Variants in OR10G4 observed in about 807,000 individuals in gnomAD.
OR10G4 encodes olfactory receptor 10G4.
For missense variants in OR10G4, 318 were observed against 388.8 expected, an observed-to-expected ratio of 0.82 and a Z score of 1.53; for synonymous variants, 130 against 159.3, an observed-to-expected ratio of 0.82 and a Z score of 1.39.
chr11:124,015,445 A>T, intron 1 of OR10G4, 103 bp from the exon 2 acceptor site: 1 of 1,121,050 alleles, frequency 8.9e-7, no homozygotes, highest in Non-Finnish European at 1.3e-6. Flanking sequence ...GAAGTGCAGG[A>T]TAACTCCAGA....
At chr11:124,013,789 T>C (rs534267564) in intron 1 of OR10G4, among the ~76,000 whole-genome samples, 1 of 152,326 alleles carries the variant, frequency 6.6e-6, no homozygotes, top group African/African-American at 2.4e-5. Context: ...CACGCCAATA[T>C]ATATCCTTCC....
Position 124,016,281 on chromosome 11 carries a change from C to T in OR10G4, c.707C>T (p.Ala236Val). ...CGCACCTCAGATGGGAGGCGCAGAG[C>T]CTTTCAGACCTGTGCCTCCCACTGT... ...RIRTSDGRRR[A>V]FQTCASHCIV... The change falls in exon 2 of 2, where the codon GCC becomes GTC. Residue 236 changes from alanine to valine, a missense_variant. By Grantham distance (64) the Ala-to-Val change is moderately conservative (BLOSUM62 0). Transcript: ENST00000641722. The T allele has an allele frequency of 6.2e-7, 1 of 1,614,174 alleles. No homozygotes were observed. The highest frequency in any genetic ancestry group is 8.5e-7 in the Non-Finnish European group (1 of 1,180,020).
Position 124,016,314 on chromosome 11 carries a change from T to A in OR10G4, c.740T>A (p.Val247Asp), listed in dbSNP as rs1864019634. Residue 247 changes from valine to aspartate, a missense_variant, in exon 2 of 2, where the codon GTC (valine) becomes GAC (aspartate). By Grantham distance (152) the Val-to-Asp change is radical. Coordinates refer to ENST00000641722, the MANE Select transcript of OR10G4 (RefSeq NM_001004462.2). The part of the protein sequence containing the change: ...FQTCASHCIV[V>D]LCFFVPCVVI... ...ACCTGTGCCTCCCACTGTATTGTGG[T>A]CCTTTGCTTCTTTGTTCCCTGTGTT... 6.2e-7 allele frequency: 1 copy of A among 1,614,048 alleles called. No homozygotes were observed. Among genetic ancestry groups the A allele is most frequent in the African/African-American group, 1.3e-5 (1 of 74,922 alleles).
chr11:124,018,256 G>T lies in OR10G4; in HGVS notation c.*1746G>T, dbSNP rs562785909. 1 of 152,200 alleles carries T rather than the reference G, an allele frequency of 6.6e-6. No homozygotes were observed. The highest frequency in any genetic ancestry group is 2.1e-4 in the South Asian group (1 of 4,810). 9.4% of individuals were successfully genotyped at this position (152,200 alleles called of 1,614,324 possible). A position where few individuals can be genotyped will look rare whatever the true frequency, so the allele number is the denominator to read the frequency against. ...TGGCATACATGTGCACAACGTGCAGGTTTGTTATGTAGCAATACATGTGCC... is the reference window on the plus strand; with the variant it reads ...TGGCATACATGTGCACAACGTGCAGTTTTGTTATGTAGCAATACATGTGCC... On this transcript the variant is annotated 3_prime_UTR_variant, in exon 2 of 2. Coordinates refer to ENST00000641722, the MANE Select transcript of OR10G4 (RefSeq NM_001004462.2).
chr11:124,014,091 G>A (rs762254013), intron 1 of OR10G4, among the ~76,000 whole-genome samples: 6 of 152,134 alleles, frequency 3.9e-5, no homozygotes, highest in Non-Finnish European at 5.9e-5. Flanking sequence ...CCTAGTGTAA[G>A]AGAAACAGGG....
rs1436161822 is a variant in OR10G4, at chr11:124,015,596, A to G, written c.22A>G (p.Thr8Ala). 1 of 1,604,080 alleles carries G rather than the reference A, an allele frequency of 6.2e-7. No homozygotes were observed. The highest frequency in any genetic ancestry group is 8.5e-7 in the Non-Finnish European group (1 of 1,174,512). The change falls in exon 2 of 2, where the codon ACA becomes GCA. Residue 8 changes from threonine to alanine, a missense_variant. Transcript: ENST00000641722. MSNASLVTAFILTGLPHA... is the reference protein window; with the variant it reads MSNASLVAAFILTGLPHA... ...AGAAATGTCCAACGCCAGCCTCGTGACAGCATTCATCCTCACAGGCCTTCC... is the reference window on the plus strand; with the variant it reads ...AGAAATGTCCAACGCCAGCCTCGTGGCAGCATTCATCCTCACAGGCCTTCC...
Position 124,015,946 on chromosome 11 carries a change from C to T in OR10G4, c.372C>T (p.Ala124=), listed in dbSNP as rs1284716326. Residue 124 remains alanine (A), a synonymous_variant, in exon 2 of 2, where the codon GCC becomes GCT. Coordinates refer to ENST00000641722, the MANE Select transcript of OR10G4 (RefSeq NM_001004462.2). ...YTVMSYDRYL[A]ISYPLRYTSM... ...TCATGTCCTATGATCGCTACTTGGC[C>T]ATCAGTTACCCGCTCAGGTACACCA... is the stretch of plus-strand genomic sequence containing the variant. The T allele has an allele frequency of 6.2e-7, 1 of 1,613,790 alleles. No homozygotes were observed. Among genetic ancestry groups the T allele is most frequent in the African/African-American group, 1.3e-5 (1 of 74,840 alleles).
Position 124,018,533 on chromosome 11 carries a change from A to G in OR10G4, c.*2023A>G, listed in dbSNP as rs77404312. On this transcript the variant is annotated 3_prime_UTR_variant, in exon 2 of 2. Coordinates refer to ENST00000641722, the MANE Select transcript of OR10G4 (RefSeq NM_001004462.2). ...ATGTCCCTACAAAGAACATGAACTC[A>G]TCCTTTCTTATGGCTGCATAGTATT... 6.6e-6 allele frequency: 1 copy of G among 152,172 alleles called. No homozygotes were observed. The highest frequency in any genetic ancestry group is 6.5e-5 in the Admixed American group (1 of 15,288). The allele number at this position is 152,172 out of a possible 1,614,324, so 9.4% of individuals were successfully genotyped here. A position where few individuals can be genotyped will look rare whatever the true frequency, so the allele number is the denominator to read the frequency against.
rs551254667 is a variant in OR10G4, at chr11:124,015,854, C to T, written c.280C>T (p.His94Tyr). The T allele has an allele frequency of 2.5e-5, 40 of 1,611,820 alleles. No individual in the cohort carries two copies. In the East Asian group the frequency reaches 8.5e-4, roughly 34 times the overall value. The change falls in exon 2 of 2, where the codon CAC becomes TAC. Residue 94 changes from histidine to tyrosine, a missense_variant. Physicochemically the swap from His to Tyr is moderately conservative, Grantham distance 83 (BLOSUM62 2). Transcript: ENST00000641722. The stretch of plus-strand genomic sequence containing the variant: ...CCCAAGCGGCAGGGCTATCTCCTTC[C>T]ACAGCTGCGTGGCTCAGCTCTATTT... The part of the protein sequence containing the change: ...VSPSGRAISF[H>Y]SCVAQLYFFH...
chr11:124,017,208 T>G lies in OR10G4; in HGVS notation c.*698T>G, dbSNP rs1292906927. The G allele has an allele frequency of 6.6e-6, 1 of 152,228 alleles. No homozygotes were observed. Among genetic ancestry groups the G allele is most frequent in the Non-Finnish European group, 1.5e-5 (1 of 68,042 alleles). 9.4% of individuals were successfully genotyped at this position (152,228 alleles called of 1,614,324 possible). On this transcript the variant is annotated 3_prime_UTR_variant, in exon 2 of 2. Transcript: ENST00000641722. ...AATTAGAAATTGTATACTCACAGAATAGATTACTATCCAGCAATGATAACG... is the reference window on the plus strand; with the variant it reads ...AATTAGAAATTGTATACTCACAGAAGAGATTACTATCCAGCAATGATAACG...
chr11:124,013,778 T>C (rs373883787), intron 1 of OR10G4, among the ~76,000 whole-genome samples: 1 of 152,324 alleles, frequency 6.6e-6, no homozygotes, highest in East Asian at 1.9e-4. Flanking sequence ...TTTCTGGACA[T>C]CACGCCAATA....
rs1234926908 is a variant in OR10G4, at chr11:124,018,010, T to G, written c.*1500T>G. 1 of 152,112 alleles carries G rather than the reference T, an allele frequency of 6.6e-6. No homozygotes were observed. Among genetic ancestry groups the G allele is most frequent in the South Asian group, 2.1e-4 (1 of 4,812 alleles). 9.4% of individuals were successfully genotyped at this position (152,112 alleles called of 1,614,324 possible). ...CATGATTGCTTTCTTGAATAAATTA[T>G]TTTGGGGTATCTGGGTATTCAGAAT... On this transcript the variant is annotated 3_prime_UTR_variant, in exon 2 of 2. Coordinates refer to ENST00000641722, the MANE Select transcript of OR10G4 (RefSeq NM_001004462.2).
In OR10G4 at chr11:124,016,235, G is replaced by A. The variant is rs772130982; in HGVS notation, c.661G>A (p.Val221Ile). Residue 221 changes from valine to isoleucine, a missense_variant, in exon 2 of 2, where the codon GTC (valine) becomes ATC (isoleucine). Transcript: ENST00000641722. ...GATAGTGCTGTCCTATGTGTCCATC[G>A]TCTGTTCCATCCTGCGGATCCGCAC... is the stretch of plus-strand genomic sequence containing the variant. The part of the protein sequence containing the change: ...VLIVLSYVSI[V>I]CSILRIRTSD... The A allele has an allele frequency of 9.3e-6, 15 of 1,614,080 alleles. No individual in the cohort carries two copies. In the Admixed American group the frequency reaches 1.2e-4, roughly 13 times the overall value.
At chr11:124,013,278 A>C (rs1440305738) in intron 1 of OR10G4, among the ~76,000 whole-genome samples, 166 bp downstream of exon 1, 1 of 152,222 alleles carries the variant, frequency 6.6e-6, no homozygotes. Context: ...TTATACAAAT[A>C]GGGACCAAAT....
chr11:124,014,668 AATATAATAAC>A (rs2137552325), intron 1 of OR10G4, among the ~76,000 whole-genome samples: 1 of 152,316 alleles, frequency 6.6e-6, no homozygotes, highest in South Asian at 2.1e-4. Context: ...AGTGATGTCA[AATATAATAAC>A]ATATGAGGAA....
chr11:124,015,674 G>A lies in OR10G4; in HGVS notation c.100G>A (p.Val34Met), dbSNP rs536792742. 4.3e-6 allele frequency: 7 copies of A among 1,609,918 alleles called. No homozygotes were observed. Among genetic ancestry groups the A allele is most frequent in the East Asian group, 4.5e-5 (2 of 44,808 alleles). Residue 34 changes from valine (V) to methionine (M), a missense_variant, in exon 2 of 2, where the codon GTG becomes ATG. Coordinates refer to ENST00000641722, the MANE Select transcript of OR10G4 (RefSeq NM_001004462.2). ...CTTTGGAATCTTCCTGGTGGTTTACGTGCTCACTGTGCTGGGGAACCTCCT... is the reference window on the plus strand; with the variant it reads ...CTTTGGAATCTTCCTGGTGGTTTACATGCTCACTGTGCTGGGGAACCTCCT... ...LLFGIFLVVY[V>M]LTVLGNLLIL...
intron 1 of OR10G4, among the ~76,000 whole-genome samples, chr11:124,013,963 G>A (rs1863994250): frequency 6.6e-6 from 1 of 152,092 alleles, no homozygotes. Context: ...CCAATATTAG[G>A]AAACATTTAC....
rs1238240749 is a variant in OR10G4 at position 124,015,733 on chromosome 11, C to T, written c.159C>T (p.Leu53=). 4 of 1,607,662 alleles carry T rather than the reference C, an allele frequency of 2.5e-6. No homozygotes were observed. Among genetic ancestry groups the T allele is most frequent in the Admixed American group, 1.7e-5 (1 of 59,678 alleles). ...ILLVIRVDSH[L]HTPMYYFLTN... ...TGGTGATCAGGGTGGATTCTCACCT[C>T]CACACCCCCATGTACTACTTCCTCA... The change falls in exon 2 of 2, where the codon CTC becomes CTT. Residue 53 remains leucine, a synonymous_variant. Coordinates refer to ENST00000641722, the MANE Select transcript of OR10G4 (RefSeq NM_001004462.2).
rs750183845 is a variant in OR10G4, at chr11:124,015,719, G to A, written c.145G>A (p.Val49Met). ...GNLLILLVIR[V>M]DSHLHTPMYY... ...CCTCCTCATCCTGCTGGTGATCAGG[G>A]TGGATTCTCACCTCCACACCCCCAT... Residue 49 changes from valine (V) to methionine (M), a missense_variant, in exon 2 of 2, where the codon GTG becomes ATG. Val to Met is a conservative substitution (Grantham distance 21). Transcript: ENST00000641722. The A allele has an allele frequency of 1.2e-6, 2 of 1,609,030 alleles. No homozygotes were observed. Among genetic ancestry groups the A allele is most frequent in the Non-Finnish European group, 1.7e-6 (2 of 1,176,314 alleles).
Sources: gnomAD v4.1 joint callset for allele counts (sites outside exome capture counted in the v4.1 genomes callset) on GRCh38, gnomAD v4.1.1 for gene constraint, MANE v1.5 for transcripts, NCBI Gene and HGNC (gene_info 2026-07-23, HGNC 2026-07-21) for gene names.